INTS6L: variants seen among roughly 807,000 people sequenced by gnomAD.
INTS6L encodes the protein integrator complex subunit 6 like.
Under a neutral mutation model 64.7 loss-of-function variants are expected in INTS6L, and 18 were observed. That is an observed-to-expected ratio of 0.28 (90% confidence interval 0.19 to 0.41). The LOEUF (loss-of-function observed/expected upper bound fraction) is 0.41. INTS6L is among the 10% of genes least tolerant of loss of function. The pLI, the probability that INTS6L is intolerant of heterozygous loss-of-function variation, is 1.00. For synonymous variants in INTS6L, 227 were observed against 235.9 expected (o/e 0.96, Z 0.34); for missense variants, 533 against 661.0 (o/e 0.81, Z 2.12).
At chrX:135,581,491 G>A in intron 17 of INTS6L, 37 bp from the exon 18 acceptor site, 1 of 1,044,353 alleles carries the variant, frequency 9.6e-7, no homozygotes, top group South Asian at 2.0e-5. Context: ...AGTACTTTAA[G>A]TATCTTTTGG....
At chrX:135,537,128 T>C (rs1204562416) in intron 2 of INTS6L, among the ~76,000 whole-genome samples, 12 of 111,993 alleles carry the variant, frequency 1.1e-4, no homozygotes, top group African/African-American at 3.6e-4. Flanking sequence ...ATAGAAAATA[T>C]TGCTTTTAGG....
intron 12 of INTS6L, 21 bp from the exon 13 acceptor site, chrX:135,573,918 T>C (rs782611611): frequency 1.3e-5 from 15 of 1,178,110 alleles, no homozygotes; most frequent in South Asian, 9.6e-5. Context: ...TAACTGAAAT[T>C]ATTTGTTTCA....
Position 135,553,665 on chromosome X carries a change from T to C in INTS6L, c.1059+1519T>C, listed in dbSNP as rs546987178. 6.4e-5 allele frequency among the ~76,000 whole-genome samples: 7 copies of C among 109,953 alleles called. No homozygotes were observed. The South Asian group carries it at 2.7e-3, about 43-fold the overall frequency. ...TCGTGTGCTGTTTACACATGTACAT[T>C]CACTTTGTGAGCATTCATTGAGCTC... On this transcript the variant is annotated intron_variant, in intron 8 of 17. Coordinates refer to ENST00000639893, the MANE Select transcript of INTS6L (RefSeq NM_001351601.3).
intron 2 of INTS6L, among the ~76,000 whole-genome samples, chrX:135,534,682 CTTTTTT>C (rs1293328959): frequency 1.1e-5 from 1 of 92,087 alleles, no homozygotes. Flanking sequence ...TTTTTCTTTT[CTTTTTT>C]TTTTTTTTTT....
chrX:135,564,711 G>T (rs2086888457), intron 9 of INTS6L, among the ~76,000 whole-genome samples: 1 of 89,039 alleles, frequency 1.1e-5, no homozygotes, highest in Non-Finnish European at 2.2e-5. Context: ...CAGCCTGGGT[G>T]TTGGAGTGAT....
At chrX:135,552,676 A>T (rs1402823475) in intron 8 of INTS6L, among the ~76,000 whole-genome samples, 1 of 112,368 alleles carries the variant, frequency 8.9e-6, no homozygotes, top group Non-Finnish European at 1.9e-5. Flanking sequence ...ATGCATAGAG[A>T]TATCTATCAT....
Position 135,569,310 on chromosome X carries a change from A to G in INTS6L, c.1193-27A>G, listed in dbSNP as rs781880531. 5.7e-6 allele frequency: 6 copies of G among 1,044,854 alleles called. No individual in the cohort carries two copies. The East Asian group carries it at 1.6e-4, about 28-fold the overall frequency. The allele number at this position is 1,044,854 out of a possible 1,213,427, so 86.1% of individuals were successfully genotyped here. A position where few individuals can be genotyped will look rare whatever the true frequency, so the allele number is the denominator to read the frequency against. ...TATCTTAGAGCTCAGGACTAGAATG[A>G]TGTAATATTTTATTTTTCTATTACA... On this transcript the variant is annotated intron_variant, in intron 9 of 17. Coordinates refer to ENST00000639893, the MANE Select transcript of INTS6L (RefSeq NM_001351601.3).
intron 8 of INTS6L, among the ~76,000 whole-genome samples, chrX:135,553,978 T>C (rs1214024691): frequency 8.9e-6 from 1 of 111,866 alleles, no homozygotes; most frequent in East Asian, 2.8e-4. Flanking sequence ...TTACTTTTTT[T>C]AGAGTATTCT....
In INTS6L at chrX:135,569,363, A is replaced by C. The variant is rs782178679; in HGVS notation, c.1219A>C (p.Lys407Gln). ...LDDLFKVHKL[K>Q]PNLKWRQAFD... The stretch of plus-strand genomic sequence containing the variant: ...TGACTTGTTTAAAGTTCACAAGCTT[A>C]AGCCAAATCTGAAGTGGCGACAGGC... Residue 407 changes from lysine (K) to glutamine (Q), a missense_variant, in exon 10 of 18, where the codon AAG (lysine) becomes CAG (glutamine). Physicochemically the swap from Lys to Gln is moderately conservative, Grantham distance 53. Transcript: ENST00000639893. 3.4e-6 allele frequency: 4 copies of C among 1,186,011 alleles called. No individual in the cohort carries two copies. In the South Asian group the frequency reaches 7.7e-5, roughly 23 times the overall value.
At position 135,579,971 on chromosome X, in the gene INTS6L, A is replaced by G; in HGVS notation, c.2303A>G (p.Gln768Arg). The change falls in exon 16 of 18, where the codon CAA becomes CGA. Residue 768 changes from glutamine (Q) to arginine (R), a missense_variant. Physicochemically the swap from Gln to Arg is conservative, Grantham distance 43. Transcript: ENST00000639893. ...FTSLSKDGLI[Q>R]KPGSNAFVGG... is the part of the protein sequence containing the mutation. ...AGTCTCAGCAAAGATGGGCTGATTC[A>G]AAAACCTGGTAGTAACGCATTTGTA... 8.3e-7 allele frequency: 1 copy of G among 1,211,836 alleles called. No homozygotes were observed. Among genetic ancestry groups the G allele is most frequent in the Non-Finnish European group, 1.1e-6 (1 of 895,477 alleles).
Position 135,521,333 on chromosome X carries a change from G to A in INTS6L, c.189+15G>A. ...ACTGCATCAAGGTAAAGGGGCTACG[G>A]GTGGGGGGACAGGCGGGAAGCGGGA... On this transcript the variant is annotated intron_variant, in intron 2 of 17. Coordinates refer to ENST00000639893, the MANE Select transcript of INTS6L (RefSeq NM_001351601.3). 8.4e-7 allele frequency: 1 copy of A among 1,189,305 alleles called. No homozygotes were observed. Among genetic ancestry groups the A allele is most frequent in the Non-Finnish European group, 1.1e-6 (1 of 883,631 alleles).
intron 9 of INTS6L, among the ~76,000 whole-genome samples, chrX:135,565,406 G>A (rs2086917497): frequency 8.9e-6 from 1 of 111,933 alleles, no homozygotes; most frequent in Non-Finnish European, 1.9e-5. Context: ...AAAACCTTCT[G>A]TGCTTAAGTT....
rs13340744 is a variant in INTS6L, at chrX:135,575,390, G to T, written c.1884+164G>T. On this transcript the variant is annotated intron_variant, in intron 14 of 17. Transcript: ENST00000639893. ...TGGGAGCCTCCTGATGCAAGAGTGT[G>T]TTGGTTGAATAAAGTCAGAGCTGCC... Among the ~76,000 whole-genome samples the T allele has an allele frequency of 7.7e-3, 866 of 112,337 alleles. 7 individuals carry two copies. Among genetic ancestry groups the T allele is most frequent in the African/African-American group, 0.027 (825 of 30,917 alleles).
chrX:135,559,760 G>A (rs2086734419), intron 9 of INTS6L, among the ~76,000 whole-genome samples: 1 of 112,403 alleles, frequency 8.9e-6, no homozygotes, highest in Non-Finnish European at 1.9e-5. Flanking sequence ...CCCACTATTA[G>A]TGTATGAGTG....
intron 13 of INTS6L, among the ~76,000 whole-genome samples, chrX:135,574,279 A>G (rs781931964): frequency 1.8e-5 from 2 of 110,564 alleles, no homozygotes; most frequent in East Asian, 5.7e-4. Flanking sequence ...TACACTTGCC[A>G]TGCTTTAGCT....
chrX:135,559,252 G>A (rs7057879), intron 9 of INTS6L, among the ~76,000 whole-genome samples: 9,440 of 111,431 alleles, frequency 0.085, 659 homozygotes, highest in African/African-American at 0.22. Context: ...TCACCACAAA[G>A]ATCCCTTATG....
At chrX:135,575,028 G>A (rs782420162) in intron 13 of INTS6L, 56 bp from the exon 14 acceptor site, 2 of 1,169,844 alleles carry the variant, frequency 1.7e-6, no homozygotes, top group East Asian at 3.0e-5. Context: ...ATGTCTTCTC[G>A]AAAGGACCAT....
intron 2 of INTS6L, among the ~76,000 whole-genome samples, chrX:135,543,485 A>G (rs2086277276): frequency 1.8e-5 from 2 of 111,802 alleles, no homozygotes; most frequent in Admixed American, 9.5e-5. Flanking sequence ...TCCCACTTTC[A>G]GTGAGAAGCC....
rs782636616 is a variant in INTS6L, at chrX:135,575,026, T to A, written c.1742-58T>A. ...TAAACCAAACTATGATCATGTCTTC[T>A]CGAAAGGACCATACGCTTCAGCTAT... is the stretch of plus-strand genomic sequence containing the variant. On this transcript the variant is annotated intron_variant, in intron 13 of 17. Coordinates refer to ENST00000639893, the MANE Select transcript of INTS6L (RefSeq NM_001351601.3). 12 of 1,164,548 alleles carry A rather than the reference T, an allele frequency of 1.0e-5. No homozygotes were observed. In the Admixed American group the frequency reaches 2.1e-4, roughly 20 times the overall value.
Sources: gnomAD v4.1 joint callset for allele counts (sites outside exome capture counted in the v4.1 genomes callset) on GRCh38, gnomAD v4.1.1 for gene constraint, MANE v1.5 for transcripts, NCBI Gene and HGNC (gene_info 2026-07-23, HGNC 2026-07-21) for gene names.